AFAP1: variants seen among roughly 807,000 people sequenced by gnomAD.
AFAP1 encodes the protein actin filament associated protein 1, also known as actin filament-associated protein 1.
Under a neutral mutation model 93.9 loss-of-function variants are expected in AFAP1, and 75 were observed. The ratio of observed to expected loss-of-function variants is 0.80; its 90% confidence interval spans 0.66 to 0.97. The LOEUF is 0.97. Among genes scored for constraint, AFAP1 ranks in the 50% least tolerant of loss-of-function variants. The pLI is 0.00. For synonymous variants in AFAP1, 517 were observed against 430.7 expected, an observed-to-expected ratio of 1.20 and a Z score of -2.48; for missense variants, 1,201 against 1,050.8, an observed-to-expected ratio of 1.14 and a Z score of -1.98.
Position 7,779,362 on chromosome 4 carries a change from G to A in AFAP1, c.1783-486C>T, listed in dbSNP as rs142260355. 9.5e-3 allele frequency among the ~76,000 whole-genome samples: 1,450 copies of A among 152,276 alleles called. 10 individuals carry two copies. Among genetic ancestry groups the A allele is most frequent in the Non-Finnish European group, 0.013 (871 of 68,026 alleles). ...AAGTGACCGCCTTCTTATCGCCGAC[G>A]GAGTCCGCAGAAGGAAGCAAGAGAA... On this transcript the variant is annotated intron_variant, in intron 13 of 17. Coordinates refer to ENST00000420658, the MANE Select transcript of AFAP1 (RefSeq NM_001134647.2).
At chr4:7,910,870 AG>A (rs1367725594) in intron 1 of AFAP1, among the ~76,000 whole-genome samples, 4 of 152,188 alleles carry the variant, frequency 2.6e-5, no homozygotes, top group Non-Finnish European at 5.9e-5. Flanking sequence ...CACTGCGGTG[AG>A]GGCGTGCTTG....
chr4:7,856,777 T>G (rs754400141), intron 3 of AFAP1, among the ~76,000 whole-genome samples: 9 of 152,162 alleles, frequency 5.9e-5, no homozygotes, highest in Non-Finnish European at 1.3e-4. Context: ...CTCTCACTGG[T>G]CCTTCTGCCA....
At chr4:7,830,699 C>T (rs2149092541) in intron 6 of AFAP1, among the ~76,000 whole-genome samples, 1 of 152,224 alleles carries the variant, frequency 6.6e-6, no homozygotes, top group South Asian at 2.1e-4. Flanking sequence ...ACCTCAAACT[C>T]CTGGGGCTCC....
chr4:7,895,553 G>C (rs1718714571), intron 1 of AFAP1, among the ~76,000 whole-genome samples: 2 of 152,064 alleles, frequency 1.3e-5, no homozygotes, highest in South Asian at 4.2e-4. Flanking sequence ...ACCAAATCTG[G>C]CCTCCCTTAC....
intron 8 of AFAP1, among the ~76,000 whole-genome samples, chr4:7,815,447 T>C (rs1720391634): frequency 6.6e-6 from 1 of 152,216 alleles, no homozygotes; most frequent in African/African-American, 2.4e-5. Context: ...TTTAAAAATG[T>C]TTCAAATGAA....
In AFAP1 at chr4:7,856,595, T is replaced by C. The variant is rs141392169; in HGVS notation, c.226-1021A>G. On this transcript the variant is annotated intron_variant, in intron 3 of 17. Coordinates refer to ENST00000420658, the MANE Select transcript of AFAP1 (RefSeq NM_001134647.2). ...GAAACTCTCTCTGGTTGTGAAGCCATAGCCTTAGAATATGGACGAGCTGGG... is the reference window on the plus strand; with the variant it reads ...GAAACTCTCTCTGGTTGTGAAGCCACAGCCTTAGAATATGGACGAGCTGGG... Among the ~76,000 whole-genome samples, 25 of 152,306 alleles carry C rather than the reference T, an allele frequency of 1.6e-4. No individual in the cohort carries two copies. In the East Asian group the frequency reaches 3.7e-3, roughly 22 times the overall value.
chr4:7,877,438 A>G (rs1277295940), intron 1 of AFAP1, among the ~76,000 whole-genome samples: 1 of 152,220 alleles, frequency 6.6e-6, no homozygotes, highest in East Asian at 1.9e-4. Context: ...AAATCCTCAC[A>G]TAGTGATTAC....
chr4:7,856,476 G>A (rs910815227), intron 3 of AFAP1, among the ~76,000 whole-genome samples: 8 of 152,070 alleles, frequency 5.3e-5, no homozygotes, highest in African/African-American at 1.7e-4. Flanking sequence ...TCCTGACCTC[G>A]TGATCAGCCC....
intron 1 of AFAP1, among the ~76,000 whole-genome samples, chr4:7,893,933 C>T (rs1032923498): frequency 3.3e-5 from 5 of 152,150 alleles, no homozygotes; most frequent in Admixed American, 6.5e-5. Flanking sequence ...CCGCCTCCCT[C>T]GCCTCTACCC....
At chr4:7,778,547 A>T in intron 14 of AFAP1, 1 of 601,718 alleles carries the variant, frequency 1.7e-6, no homozygotes, top group Middle Eastern at 4.4e-4. Context: ...CAGGTGGCAA[A>T]CCAGTTCTGG....
chr4:7,872,750 C>G (rs770670442), intron 1 of AFAP1, among the ~76,000 whole-genome samples: 1 of 152,086 alleles, frequency 6.6e-6, no homozygotes, highest in Non-Finnish European at 1.5e-5. Flanking sequence ...AGGGAGCCCA[C>G]AAGGCCCGAG....
chr4:7,787,269 G>A (rs1010551176), intron 11 of AFAP1, among the ~76,000 whole-genome samples: 22 of 152,300 alleles, frequency 1.4e-4, no homozygotes, highest in Admixed American at 9.8e-4. Flanking sequence ...GCACGGGAGC[G>A]CTGTGCCCCA....
intron 1 of AFAP1, among the ~76,000 whole-genome samples, chr4:7,914,345 G>T (rs367750811): frequency 6.6e-6 from 1 of 152,096 alleles, no homozygotes; most frequent in East Asian, 1.9e-4. Context: ...ATGAGCCACC[G>T]TGCCCAGCCT....
At chr4:7,938,185 A>G (rs1560246259) in intron 1 of AFAP1, among the ~76,000 whole-genome samples, 1 of 151,720 alleles carries the variant, frequency 6.6e-6, no homozygotes, top group African/African-American at 2.4e-5. Flanking sequence ...GGTCTGGGGC[A>G]GCGGAGGGCA....
chr4:7,800,078 T>C (rs1718876831), intron 10 of AFAP1, among the ~76,000 whole-genome samples: 1 of 152,164 alleles, frequency 6.6e-6, no homozygotes, highest in African/African-American at 2.4e-5. Context: ...CTGGAAATTT[T>C]AAAACAAGTT....
At chr4:7,779,160 C>A in intron 13 of AFAP1, 3 of 372,732 alleles carry the variant, frequency 8.0e-6, no homozygotes, top group Non-Finnish European at 9.7e-6. Flanking sequence ...CAAATGCTAA[C>A]CAAGCTGGCG....
chr4:7,925,000 C>T (rs1028480407), intron 1 of AFAP1, among the ~76,000 whole-genome samples: 4 of 151,954 alleles, frequency 2.6e-5, no homozygotes, highest in South Asian at 2.1e-4. Flanking sequence ...CAGCCTCCAC[C>T]GGGAGCCGTT....
In AFAP1 at chr4:7,857,777, G is replaced by A. The variant is rs1715231315; in HGVS notation, c.226-2203C>T. On this transcript the variant is annotated intron_variant, in intron 3 of 17. Transcript: ENST00000420658. ...AACTATTCATGTCCTGGAAAAGCACGACAAATAGCTGAATCAAACAAACGT... is the reference window on the plus strand; with the variant it reads ...AACTATTCATGTCCTGGAAAAGCACAACAAATAGCTGAATCAAACAAACGT... Among the ~76,000 whole-genome samples the A allele has an allele frequency of 2.6e-5, 4 of 152,124 alleles. No homozygotes were observed. In the South Asian group the frequency reaches 8.3e-4, roughly 31 times the overall value.
chr4:7,886,125 C>A (rs886849482), intron 1 of AFAP1, among the ~76,000 whole-genome samples: 1 of 152,210 alleles, frequency 6.6e-6, no homozygotes, highest in African/African-American at 2.4e-5. Context: ...CTCAGCTGGA[C>A]TGCATCTAAA....
Sources: allele counts gnomAD v4.1 joint callset (sites outside exome capture counted in the v4.1 genomes callset), GRCh38; gene constraint gnomAD v4.1.1; transcripts MANE v1.5; gene names NCBI Gene and HGNC (gene_info 2026-07-23, HGNC 2026-07-21).